PTPRG: variants seen among roughly 807,000 people sequenced by gnomAD.
The protein encoded by PTPRG is protein tyrosine phosphatase receptor type G.
PTPRG carries 102 observed loss-of-function variants against 165.3 expected under a neutral mutation model. The observed-to-expected ratio is 0.62, with a 90% CI of 0.53 to 0.73. PTPRG has a LOEUF of 0.73. Ranked by LOEUF, PTPRG falls within the 30% of genes least tolerant of loss-of-function variation. PTPRG has a pLI of 0.00. For synonymous variants in PTPRG, 675 were observed against 669.5 expected (o/e 1.01, Z -0.13); for missense variants, 1,866 against 1,861.4 (o/e 1.00, Z -0.05).
chr3:61,787,867 G>T (rs987690608), intron 2 of PTPRG, among the ~76,000 whole-genome samples: 2 of 152,104 alleles, frequency 1.3e-5, no homozygotes, highest in African/African-American at 4.8e-5. Context: ...GTTACCCAGT[G>T]GAGTCCTGTT....
intron 1 of PTPRG, among the ~76,000 whole-genome samples, chr3:61,663,217 G>A (rs1346928433): frequency 6.6e-6 from 1 of 152,170 alleles, no homozygotes; most frequent in African/African-American, 2.4e-5. Context: ...TCCCATTCAT[G>A]TTTGGGAATG....
chr3:62,053,617 G>A (rs1559769255), intron 4 of PTPRG, among the ~76,000 whole-genome samples: 1 of 152,098 alleles, frequency 6.6e-6, no homozygotes, highest in African/African-American at 2.4e-5. Flanking sequence ...ATATTCTGAA[G>A]GGATGAATTT....
intron 2 of PTPRG, among the ~76,000 whole-genome samples, chr3:61,983,464 A>G (rs2040686597): frequency 6.6e-6 from 1 of 152,166 alleles, no homozygotes; most frequent in South Asian, 2.1e-4. Context: ...AGCATATTTG[A>G]CTAGAAACAG....
At chr3:62,057,257 A>C (rs1017402347) in intron 4 of PTPRG, among the ~76,000 whole-genome samples, 3 of 152,230 alleles carry the variant, frequency 2.0e-5, no homozygotes, top group African/African-American at 7.2e-5. Context: ...GAGAAACCAC[A>C]GCCAATCTCA....
chr3:61,735,768 G>A (rs1017281202), intron 1 of PTPRG, among the ~76,000 whole-genome samples: 24 of 152,156 alleles, frequency 1.6e-4, no homozygotes, highest in Non-Finnish European at 2.9e-4. Context: ...ATTGTGCAGA[G>A]ACAATTTACC....
chr3:61,784,857 G>A (rs542479337), intron 2 of PTPRG, among the ~76,000 whole-genome samples: 3 of 152,138 alleles, frequency 2.0e-5, no homozygotes, highest in South Asian at 4.2e-4. Context: ...TAATTTCTGT[G>A]GTGTGCTCAA....
At chr3:62,080,179 T>C (rs569705816) in intron 5 of PTPRG, among the ~76,000 whole-genome samples, 13 of 151,778 alleles carry the variant, frequency 8.6e-5, no homozygotes, top group African/African-American at 2.4e-4. Flanking sequence ...GTGATTCTTC[T>C]GCCTCAGCCT....
intron 2 of PTPRG, among the ~76,000 whole-genome samples, chr3:61,764,913 G>A (rs2033966001): frequency 6.6e-6 from 1 of 152,214 alleles, no homozygotes; most frequent in African/African-American, 2.4e-5. Flanking sequence ...CTGGCATTTA[G>A]TGGGTAGAGG....
intron 1 of PTPRG, among the ~76,000 whole-genome samples, chr3:61,614,136 G>C (rs13319026): frequency 0.044 from 6,769 of 152,130 alleles, 464 homozygotes; most frequent in African/African-American, 0.15. Flanking sequence ...TCACCTCTTC[G>C]CCTGTTGTTC....
At position 61,925,704 on chromosome 3, in the gene PTPRG, C is replaced by G. The variant is rs147250414; in HGVS notation, c.191-63921C>G. On this transcript the variant is annotated intron_variant, in intron 2 of 29. Coordinates refer to ENST00000474889, the MANE Select transcript of PTPRG (RefSeq NM_002841.4). ...GTTGCAGTGAGCCAAGACTGTGCCACTGCCTTCCAGCCTGGGTGACAGAAT... is the reference window on the plus strand; with the variant it reads ...GTTGCAGTGAGCCAAGACTGTGCCAGTGCCTTCCAGCCTGGGTGACAGAAT... Among the ~76,000 whole-genome samples the G allele has an allele frequency of 3.0e-3, 460 of 151,820 alleles. 1 individual carries two copies. Among genetic ancestry groups the G allele is most frequent in the African/African-American group, 1.0e-2 (412 of 41,364 alleles).
intron 1 of PTPRG, among the ~76,000 whole-genome samples, chr3:61,583,252 T>C (rs1575517741): frequency 1.3e-5 from 2 of 152,168 alleles, no homozygotes; most frequent in South Asian, 4.1e-4. Context: ...GCTGGATGCA[T>C]TGACTGGCCC....
At chr3:61,854,607 A>G (rs970858203) in intron 2 of PTPRG, among the ~76,000 whole-genome samples, 6 of 152,216 alleles carry the variant, frequency 3.9e-5, no homozygotes, top group African/African-American at 9.6e-5. Flanking sequence ...TGTAATATAC[A>G]TGCAGCATTG....
intron 4 of PTPRG, among the ~76,000 whole-genome samples, chr3:62,046,863 G>T (rs1397328811): frequency 2.0e-5 from 3 of 152,172 alleles, no homozygotes; most frequent in Non-Finnish European, 4.4e-5. Flanking sequence ...AGAAAAGTAT[G>T]CTAGTAACAA....
At chr3:61,768,375 G>T (rs1170580270) in intron 2 of PTPRG, among the ~76,000 whole-genome samples, 1 of 152,168 alleles carries the variant, frequency 6.6e-6, no homozygotes, top group Non-Finnish European at 1.5e-5. Context: ...TGGTTTCTCT[G>T]TGTTAGCCTC....
At position 61,788,158 on chromosome 3, in the gene PTPRG, C is replaced by G. The variant is rs530919270; in HGVS notation, c.190+39176C>G. Among the ~76,000 whole-genome samples, 5 of 152,240 alleles carry G rather than the reference C, an allele frequency of 3.3e-5. No individual in the cohort carries two copies. The South Asian group carries it at 6.2e-4, about 19-fold the overall frequency. On this transcript the variant is annotated intron_variant, in intron 2 of 29. Coordinates refer to ENST00000474889, the MANE Select transcript of PTPRG (RefSeq NM_002841.4). ...TACTCCCATGGTTGAGACTGGTTTT[C>G]AGCATCAACGTGTGCTGCATGGCGT...
intron 2 of PTPRG, among the ~76,000 whole-genome samples, chr3:61,834,282 A>T (rs529132534): frequency 1.3e-5 from 2 of 152,288 alleles, no homozygotes; most frequent in African/African-American, 2.4e-5. Context: ...TATATTGTCA[A>T]GTTTTTTCAT....
chr3:61,639,579 A>ATT (rs35373510), intron 1 of PTPRG, among the ~76,000 whole-genome samples: 2 of 151,734 alleles, frequency 1.3e-5, no homozygotes, highest in African/African-American at 4.8e-5. Context: ...GTCATTTGTG[A>ATT]TTTTTTTCAG....
intron 1 of PTPRG, among the ~76,000 whole-genome samples, chr3:61,734,140 T>C (rs2106847797): frequency 6.6e-6 from 1 of 152,366 alleles, no homozygotes. Flanking sequence ...AGAGCATGAC[T>C]GTTAAAGAGA....
intron 1 of PTPRG, among the ~76,000 whole-genome samples, chr3:61,627,483 ACTT>A (rs1701645362): frequency 6.6e-6 from 1 of 152,112 alleles, no homozygotes; most frequent in African/African-American, 2.4e-5. Context: ...TATCAGGCCT[ACTT>A]CTTTTTTAAG....
Sources: gnomAD v4.1 joint callset for allele counts (sites outside exome capture counted in the v4.1 genomes callset) on GRCh38, gnomAD v4.1.1 for gene constraint, MANE v1.5 for transcripts, NCBI Gene and HGNC (gene_info 2026-07-23, HGNC 2026-07-21) for gene names.